ST8SIA4: variants seen among roughly 807,000 people sequenced by gnomAD.
ST8SIA4 encodes CMP-N-acetylneuraminate-poly-alpha-2,8-sialyltransferase.
ST8SIA4 carries 15 observed loss-of-function variants against 33.9 expected under a neutral mutation model. That is an observed-to-expected ratio of 0.44 (90% CI 0.30 to 0.68). The LOEUF is 0.68. Among genes scored for constraint, ST8SIA4 ranks in the 30% least tolerant of loss-of-function variants. The pLI is 0.10. For missense variants in ST8SIA4, 321 were observed against 428.0 expected, an observed-to-expected ratio of 0.75 and a Z score of 2.21; for synonymous variants, 171 against 151.2, an observed-to-expected ratio of 1.13 and a Z score of -0.96.
chr5:100,860,520 C>T, intron 3 of ST8SIA4, among the ~76,000 whole-genome samples: 1 of 152,188 alleles, frequency 6.6e-6, no homozygotes, highest in East Asian at 1.9e-4. Context: ...TTGGCACATG[C>T]GACCTGCCAG....
rs770372795 is a variant in ST8SIA4 at position 100,856,240 on chromosome 5, G to A, written c.660C>T (p.Asp220=). Residue 220 remains aspartate (D), a synonymous_variant, in exon 4 of 5, where the codon GAC becomes GAT. Coordinates refer to ENST00000231461, the MANE Select transcript of ST8SIA4 (RefSeq NM_005668.6). ...TGAAAGCAGGAATCCAAAGGACACT[G>A]TCATTCAGCATGGAAAGTCTATGCA... ...KFVHRLSMLN[D]SVLWIPAFMV... The A allele has an allele frequency of 1.3e-5, 21 of 1,613,980 alleles. No homozygotes were observed. The African/African-American group carries it at 1.3e-4, about 10-fold the overall frequency.
chr5:100,815,202 T>C (rs1750890521), intron 4 of ST8SIA4, among the ~76,000 whole-genome samples: 1 of 151,876 alleles, frequency 6.6e-6, no homozygotes, highest in African/African-American at 2.4e-5. Flanking sequence ...GTAAGCTCCT[T>C]GTAGAAAATT....
intron 2 of ST8SIA4, among the ~76,000 whole-genome samples, chr5:100,895,247 C>T (rs1161985983): frequency 6.6e-6 from 1 of 151,952 alleles, no homozygotes; most frequent in Non-Finnish European, 1.5e-5. Flanking sequence ...TTATAATCGT[C>T]AGCACAATAG....
intron 3 of ST8SIA4, among the ~76,000 whole-genome samples, chr5:100,877,173 A>G (rs1042508787): frequency 6.6e-6 from 1 of 152,170 alleles, no homozygotes; most frequent in African/African-American, 2.4e-5. Context: ...GTGGAAACAC[A>G]GACTGTAAAA....
At chr5:100,901,283 G>T (rs1411625368) in intron 1 of ST8SIA4, among the ~76,000 whole-genome samples, 2 of 152,150 alleles carry the variant, frequency 1.3e-5, no homozygotes, top group African/African-American at 4.8e-5. Context: ...CCCAGCCAAG[G>T]GCCCGAACCC....
At chr5:100,894,763 G>A (rs955369975) in intron 2 of ST8SIA4, among the ~76,000 whole-genome samples, 59 of 151,988 alleles carry the variant, frequency 3.9e-4, no homozygotes, top group African/African-American at 1.3e-3. Flanking sequence ...AAGTGAGTAG[G>A]TAGAAACCCA....
At chr5:100,896,379 A>G (rs930592380) in intron 1 of ST8SIA4, among the ~76,000 whole-genome samples, 1 of 152,114 alleles carries the variant, frequency 6.6e-6, no homozygotes, top group Non-Finnish European at 1.5e-5. Context: ...TCGCACTTAT[A>G]TATTGATTCT....
chr5:100,873,094 G>C (rs1752232218), intron 3 of ST8SIA4, among the ~76,000 whole-genome samples: 1 of 152,056 alleles, frequency 6.6e-6, no homozygotes, highest in Non-Finnish European at 1.5e-5. Flanking sequence ...ACCACACTTT[G>C]AGTAGCAAGG....
In ST8SIA4 at chr5:100,832,290, T is replaced by C. The variant is rs185909516; in HGVS notation, c.798-20161A>G. Among the ~76,000 whole-genome samples, 590 of 152,234 alleles carry C rather than the reference T, an allele frequency of 3.9e-3. 8 individuals carry two copies. The highest frequency in any genetic ancestry group is 3.7e-3 in the Non-Finnish European group (252 of 67,976). On this transcript the variant is annotated intron_variant, in intron 4 of 4. Transcript: ENST00000231461. The stretch of plus-strand genomic sequence containing the variant: ...GCACCACAGTGTTTTCAATTATAAC[T>C]AAGATGTGATACTGTATATCTGGGA...
chr5:100,836,485 T>TA (rs1342888955), intron 4 of ST8SIA4, among the ~76,000 whole-genome samples: 2 of 151,920 alleles, frequency 1.3e-5, no homozygotes, highest in Non-Finnish European at 2.9e-5. Flanking sequence ...TACTAATGGA[T>TA]AAAAATACAT....
chr5:100,892,714 T>G (rs548426484), intron 2 of ST8SIA4, among the ~76,000 whole-genome samples: 1 of 152,128 alleles, frequency 6.6e-6, no homozygotes, highest in Non-Finnish European at 1.5e-5. Flanking sequence ...ATAATGATAG[T>G]TGAATCAGTA....
intron 3 of ST8SIA4, among the ~76,000 whole-genome samples, chr5:100,878,206 T>A (rs1339808437): frequency 1.3e-5 from 2 of 151,924 alleles, no homozygotes; most frequent in Non-Finnish European, 2.9e-5. Context: ...TAATGGAGTT[T>A]CGTTCTTGTT....
At chr5:100,848,354 A>G (rs1751611459) in intron 4 of ST8SIA4, among the ~76,000 whole-genome samples, 1 of 150,622 alleles carries the variant, frequency 6.6e-6, no homozygotes, top group African/African-American at 2.4e-5. Flanking sequence ...TGAGTATACT[A>G]TTACATATTA....
intron 4 of ST8SIA4, among the ~76,000 whole-genome samples, chr5:100,819,921 A>G (rs376473568): frequency 6.6e-6 from 1 of 152,166 alleles, no homozygotes; most frequent in Non-Finnish European, 1.5e-5. Context: ...TAGGTACTTA[A>G]TGCATGCTTA....
intron 3 of ST8SIA4, among the ~76,000 whole-genome samples, chr5:100,874,627 C>A (rs1315302373): frequency 4.0e-5 from 6 of 151,892 alleles, no homozygotes; most frequent in Non-Finnish European, 8.8e-5. Flanking sequence ...CTCTTTTATG[C>A]AGGCTCGAGT....
intron 3 of ST8SIA4, among the ~76,000 whole-genome samples, chr5:100,856,669 C>G (rs552350961): frequency 6.6e-6 from 1 of 152,256 alleles, no homozygotes; most frequent in East Asian, 1.9e-4. Flanking sequence ...TTGCTATTAT[C>G]TCATAAAACC....
chr5:100,902,098 A>T (rs111932674), intron 1 of ST8SIA4, among the ~76,000 whole-genome samples: 63 of 152,354 alleles, frequency 4.1e-4, no homozygotes, highest in Middle Eastern at 6.8e-3. Flanking sequence ...CCTCCTGGGT[A>T]AACTTCAAAG....
intron 2 of ST8SIA4, among the ~76,000 whole-genome samples, chr5:100,889,672 T>A (rs1197163119): frequency 6.6e-6 from 1 of 151,910 alleles, no homozygotes; most frequent in Non-Finnish European, 1.5e-5. Flanking sequence ...TTTTATTTAC[T>A]CTTAGGGAAA....
intron 4 of ST8SIA4, among the ~76,000 whole-genome samples, chr5:100,826,706 G>C (rs541267630): frequency 2.4e-4 from 36 of 152,056 alleles, no homozygotes; most frequent in African/African-American, 7.7e-4. Flanking sequence ...GAGTTTCTGA[G>C]AAAAACAAGT....
Sources: allele counts gnomAD v4.1 joint callset (sites outside exome capture counted in the v4.1 genomes callset), GRCh38; gene constraint gnomAD v4.1.1; transcripts MANE v1.5; gene names NCBI Gene and HGNC (gene_info 2026-07-23, HGNC 2026-07-21).